The following USP36 variants were observed in gnomAD, a reference collection of about 807,000 sequenced individuals.
USP36 encodes ubiquitin specific peptidase 36.
Under a neutral mutation model 111.5 loss-of-function variants are expected in USP36, and 59 were observed. The ratio of observed to expected loss-of-function variants is 0.53; its 90% CI spans 0.43 to 0.66. The LOEUF (loss-of-function observed/expected upper bound fraction) is 0.66, where lower values mean the gene tolerates loss of function less well. USP36 is among the 30% of genes least tolerant of loss of function. The pLI, the probability that USP36 is intolerant of heterozygous loss-of-function variation, is 0.00. For missense variants in USP36, 1,488 were observed against 1,468.0 expected (o/e 1.01, Z -0.22); for synonymous variants, 628 against 581.0 (o/e 1.08, Z -1.16).
chr17:78,836,064 T>C, intron 3 of USP36, 47 bp downstream of exon 3: 1 of 1,594,326 alleles, frequency 6.3e-7, no homozygotes, highest in Non-Finnish European at 8.6e-7. Flanking sequence ...ATCCACTTCG[T>C]CACCCCGGAG....
Position 78,799,011 on chromosome 17 carries a change from T to C in USP36, c.3137A>G (p.Asp1046Gly). The change falls in exon 19 of 21, where the codon GAT becomes GGT. Residue 1046 changes from aspartate to glycine, a missense_variant. Around this residue, in one of 3 missense-constraint regions of USP36, gnomAD observed 1,073 missense variants for 994.1 expected, o/e 1.08. Coordinates refer to ENST00000449938, the MANE Select transcript of USP36 (RefSeq NM_001385174.1). Reference protein sequence around the residue: ...KAYGRKVLTWDGKMSAVSQDA... With the variant: ...KAYGRKVLTWGGKMSAVSQDA... ...CTGACTGACCGCCGACATCTTGCCA[T>C]CCCAGGTCAGAACTACCAGGCAGAC... 6.2e-7 allele frequency: 1 copy of C among 1,614,004 alleles called. No homozygotes were observed. Among genetic ancestry groups the C allele is most frequent in the African/African-American group, 1.3e-5 (1 of 75,046 alleles).
intron 3 of USP36, 82 bp from the exon 4 acceptor site, chr17:78,835,583 C>A: frequency 7.5e-7 from 1 of 1,341,238 alleles, no homozygotes; most frequent in South Asian, 1.3e-5. Flanking sequence ...ACTCCTGAAG[C>A]ATACACTTAG....
chr17:78,797,862 C>T lies in USP36; in HGVS notation c.*38G>A, dbSNP rs992141929. On this transcript the variant is annotated 3_prime_UTR_variant, in exon 21 of 21. Coordinates refer to ENST00000449938, the MANE Select transcript of USP36 (RefSeq NM_001385174.1). Reference sequence around the variant, plus strand: ...CAGACCGACAGCTCCCGGGAAGGGACGCCTTGTCTCCAGGAGGCTGCAGAA... The same window carrying T: ...CAGACCGACAGCTCCCGGGAAGGGATGCCTTGTCTCCAGGAGGCTGCAGAA... 6 of 154,662 alleles carry T rather than the reference C, an allele frequency of 3.9e-5. No homozygotes were observed. Among genetic ancestry groups the T allele is most frequent in the African/African-American group, 9.7e-5 (4 of 41,426 alleles). 9.6% of individuals were successfully genotyped at this position (154,662 alleles called of 1,614,324 possible).
intron 7 of USP36, chr17:78,821,388 AT>A (rs56703747): frequency 8.3e-5 from 2 of 24,014 alleles, no homozygotes; most frequent in Admixed American, 5.8e-4. Context: ...CCTAATGAGA[AT>A]ATATATATAT....
rs1306371210 is a variant in USP36, at chr17:78,803,875, G to A, written c.2320C>T (p.Pro774Ser). 6.2e-7 allele frequency: 1 copy of A among 1,609,612 alleles called. No individual in the cohort carries two copies. The highest frequency in any genetic ancestry group is 1.7e-5 in the Admixed American group (1 of 59,438). Residue 774 changes from proline to serine, a missense_variant, in exon 16 of 21, where the codon CCA becomes TCA. Pro to Ser is a moderately conservative substitution (Grantham distance 74). Coordinates refer to ENST00000449938, the MANE Select transcript of USP36 (RefSeq NM_001385174.1). The surrounding 1 kb of genome is among the most constrained non-coding windows in gnomAD (Gnocchi z 4.6). ...GTCGAGATGGAGGAGCAGCTCCGTG[G>A]TTCTGACGTCCCTGGGGGCTTGGGG... ...STPKPPGTSE[P>S]RSCSSISTAL...
intron 3 of USP36, among the ~76,000 whole-genome samples, 153 bp from the exon 4 acceptor site, chr17:78,835,654 C>T (rs969548919): frequency 2.0e-5 from 3 of 152,232 alleles, no homozygotes; most frequent in Non-Finnish European, 2.9e-5. Context: ...ACAGGACATT[C>T]CTGGAAAGCT....
chr17:78,813,945 G>A (rs2094125906), intron 11 of USP36, 72 bp from the exon 12 acceptor site: 1 of 1,364,826 alleles, frequency 7.3e-7, no homozygotes, highest in Non-Finnish European at 1.0e-6. Flanking sequence ...TTTTTAAAAA[G>A]GGAATAAAAA....
chr17:78,798,534 T>C lies in USP36; in HGVS notation c.3258A>G (p.Lys1086=). Residue 1086 remains lysine (K), a synonymous_variant, in exon 20 of 21, where the codon AAA becomes AAG. Coordinates refer to ENST00000449938, the MANE Select transcript of USP36 (RefSeq NM_001385174.1). This position sits in a 1 kb window ranked among gnomAD's most constrained non-coding sequence, Gnocchi z 5.1. ...FDRGKEKKIK[K]FKREKRRNFN... ...AGTTTCTCCTCTTCTCTCTCTTAAA[T>C]TTTTTAATTTTCTTTTCCTAGACCA... 1 of 1,613,930 alleles carries C rather than the reference T, an allele frequency of 6.2e-7. No homozygotes were observed. The highest frequency in any genetic ancestry group is 1.6e-4 in the Middle Eastern group (1 of 6,062).
chr17:78,836,669 A>G (rs1777858115), intron 2 of USP36, among the ~76,000 whole-genome samples: 1 of 152,152 alleles, frequency 6.6e-6, no homozygotes, highest in African/African-American at 2.4e-5. Context: ...TCTTCATCAG[A>G]TACTCATCAA....
Position 78,812,947 on chromosome 17 carries a change from G to A in USP36, c.1320C>T (p.Ser440=). The A allele has an allele frequency of 1.2e-6, 2 of 1,614,076 alleles. No homozygotes were observed. The highest frequency in any genetic ancestry group is 1.7e-6 in the Non-Finnish European group (2 of 1,180,018). Residue 440 remains serine (S), a synonymous_variant, in exon 13 of 21, where the codon TCC becomes TCT. Transcript: ENST00000449938. The part of the protein sequence containing the change: ...PEGLISRTGS[S]SLPGRPSVIP... ...TCACACTCGGGCGGCCGGGAAGGGA[G>A]GAGGAGCCTGTCCTGGAGATGAGGC...
chr17:78,792,229 C>A (rs930379214), downstream of USP36: 3 of 152,606 alleles, frequency 2.0e-5, no homozygotes, highest in African/African-American at 7.2e-5. Flanking sequence ...CAAGGACACA[C>A]AGGCTTTTTA....
At chr17:78,816,784 T>A (rs1421289530) in intron 10 of USP36, among the ~76,000 whole-genome samples, 1 of 152,144 alleles carries the variant, frequency 6.6e-6, no homozygotes, top group African/African-American at 2.4e-5. Flanking sequence ...GCCTAAATCA[T>A]TTTTTTAAAC....
chr17:78,794,554 C>A (rs2093607574), downstream of USP36, among the ~76,000 whole-genome samples: 1 of 152,214 alleles, frequency 6.6e-6, no homozygotes, highest in Non-Finnish European at 1.5e-5. Context: ...TGCCCGCCGC[C>A]TGCGAGACGA....
In USP36 at chr17:78,807,220, C is replaced by T. The variant is rs556848402; in HGVS notation, c.1824G>A (p.Arg608=). ...GCTCTGGGCTGGAGCTGCTGGAGCC[C>T]CTCCTGTCGAGGCCAGCGCTCTCGT... ...GNDESAGLDR[R]GSSSSSPEHS... is the part of the protein sequence containing the mutation. Residue 608 remains arginine, a synonymous_variant, in exon 14 of 21, where the codon AGG becomes AGA. Transcript: ENST00000449938. 6.1e-5 allele frequency: 98 copies of T among 1,614,094 alleles called. No individual in the cohort carries two copies. The highest frequency in any genetic ancestry group is 7.7e-5 in the South Asian group (7 of 91,078).
rs1365312402 is a variant in USP36, at chr17:78,827,257, T to C, written c.677A>G (p.Asn226Ser). 6.8e-6 allele frequency: 11 copies of C among 1,613,590 alleles called. No individual in the cohort carries two copies. The highest frequency in any genetic ancestry group is 2.2e-5 in the East Asian group (1 of 44,864). The change falls in exon 6 of 21, where the codon AAT (asparagine) becomes AGT (serine). Residue 226 changes from asparagine (N) to serine (S), a missense_variant. Asn to Ser is a conservative substitution (Grantham distance 46). This residue lies in a region of USP36 where 196 missense variants were observed against 264.4 expected (regional missense o/e 0.74). Transcript: ENST00000449938. ...TIDAMQKACL[N>S]GCAKLDRQTQ... ...GGGAAGCACGCACTTGGCACAGCCA[T>C]TCAGGCAGGCTTTCTGCATGGCGTC...
In USP36 at chr17:78,807,027, T is replaced by C; in HGVS notation, c.2017A>G (p.Thr673Ala). Residue 673 changes from threonine (T) to alanine (A), a missense_variant, in exon 14 of 21, where the codon ACC becomes GCC. Thr to Ala is a moderately conservative substitution (Grantham distance 58, BLOSUM62 0). This residue lies in a region of USP36 where 1,073 missense variants were observed against 994.1 expected (regional missense o/e 1.08). Transcript: ENST00000449938. ...ATGGTGCTTGCAGGCTCAGTGGTGGTGTTGCTCAGGACAGGGGACTTCAGC... is the reference window on the plus strand; with the variant it reads ...ATGGTGCTTGCAGGCTCAGTGGTGGCGTTGCTCAGGACAGGGGACTTCAGC... Reference protein sequence around the residue: ...VKLKSPVLSNTTTEPASTMSP... With the variant: ...VKLKSPVLSNATTEPASTMSP... 1 of 1,614,190 alleles carries C rather than the reference T, an allele frequency of 6.2e-7. No individual in the cohort carries two copies. Among genetic ancestry groups the C allele is most frequent in the Non-Finnish European group, 8.5e-7 (1 of 1,180,036 alleles).
At chr17:78,821,314 A>AC (rs956693721) in intron 7 of USP36, 57 of 364,284 alleles carry the variant, frequency 1.6e-4, no homozygotes, top group Non-Finnish European at 2.6e-4. Context: ...CACGTGCGGT[A>AC]CTCTCCTGCT....
At chr17:78,801,496 C>G (rs2093741857) in intron 17 of USP36, among the ~76,000 whole-genome samples, 2 of 152,218 alleles carry the variant, frequency 1.3e-5, no homozygotes, top group South Asian at 4.1e-4. Context: ...AAGCTCGGCC[C>G]CCTATACCAA....
In USP36 at chr17:78,809,587, C is replaced by T. The variant is rs192160831; in HGVS notation, c.1408-1951G>A. Among the ~76,000 whole-genome samples the T allele has an allele frequency of 2.4e-4, 36 of 152,318 alleles. No individual in the cohort carries two copies. In the East Asian group the frequency reaches 6.4e-3, roughly 27 times the overall value. On this transcript the variant is annotated intron_variant, in intron 13 of 20. Coordinates refer to ENST00000449938, the MANE Select transcript of USP36 (RefSeq NM_001385174.1). ...CCTTGAGCCAATCTCCACCCTCGGG[C>T]ATCACTCTGCCCATGGAGTTCCTGT...
Sources: gnomAD v4.1 joint callset for allele counts (sites outside exome capture counted in the v4.1 genomes callset) on GRCh38, gnomAD v4.1.1 for gene constraint, gnomAD v4.1.1 regional missense constraint, Gnocchi (gnomAD v3.1) non-coding constraint, MANE v1.5 for transcripts, NCBI Gene and HGNC (gene_info 2026-07-23, HGNC 2026-07-21) for gene names.